FHIT: variants seen among roughly 807,000 people sequenced by gnomAD.
FHIT encodes the protein fragile histidine triad diadenosine triphosphatase, also known as bis(5'-adenosyl)-triphosphatase.
Under a neutral mutation model 17.9 loss-of-function variants are expected in FHIT, and 19 were observed. The observed-to-expected ratio is 1.06, with a 90% CI of 0.74 to 1.56. FHIT has a LOEUF of 1.56. Ranked by LOEUF, FHIT falls within the 40% of genes most tolerant of loss-of-function variation. The pLI, the probability that FHIT is intolerant of heterozygous loss-of-function variation, is 0.00. For synonymous variants in FHIT, 81 were observed against 69.7 expected, an observed-to-expected ratio of 1.16 and a Z score of -0.81; for missense variants, 248 against 189.2, an observed-to-expected ratio of 1.31 and a Z score of -1.82.
rs537395653 is a variant in FHIT, at chr3:60,402,614, T to C, written c.103+134246A>G. Among the ~76,000 whole-genome samples the C allele has an allele frequency of 1.2e-4, 18 of 152,292 alleles. No individual in the cohort carries two copies. The East Asian group carries it at 3.5e-3, about 29-fold the overall frequency. Reference sequence around the variant, plus strand: ...ATTACTGCAACAACATGCACCAGATTTCTGACAGACACCTGTTTGCAAATT... The same window carrying C: ...ATTACTGCAACAACATGCACCAGATCTCTGACAGACACCTGTTTGCAAATT... On this transcript the variant is annotated intron_variant, in intron 5 of 9. Coordinates refer to ENST00000492590, the MANE Select transcript of FHIT (RefSeq NM_002012.4).
intron 4 of FHIT, among the ~76,000 whole-genome samples, chr3:60,652,634 C>A (rs1559615541): frequency 6.9e-6 from 1 of 145,132 alleles, no homozygotes; most frequent in Non-Finnish European, 1.5e-5. Context: ...GAGGCTGAAG[C>A]AGGAGAATGG....
At chr3:59,785,934 A>G (rs913002985) in intron 8 of FHIT, among the ~76,000 whole-genome samples, 1 of 152,168 alleles carries the variant, frequency 6.6e-6, no homozygotes, top group Non-Finnish European at 1.5e-5. Flanking sequence ...GCGCTCCGCT[A>G]ATACCTTCAA....
intron 5 of FHIT, among the ~76,000 whole-genome samples, chr3:60,445,473 A>C (rs1229040563): frequency 7.0e-6 from 1 of 142,100 alleles, no homozygotes; most frequent in Non-Finnish European, 1.5e-5. Flanking sequence ...TAAAAAGAAG[A>C]AGAAGAAGAA....
intron 7 of FHIT, among the ~76,000 whole-genome samples, chr3:59,929,845 C>A (rs1323209256): frequency 6.9e-6 from 1 of 144,668 alleles, no homozygotes; most frequent in South Asian, 2.2e-4. Flanking sequence ...TAGAGTGATA[C>A]AAATATGATA....
chr3:60,644,097 C>T (rs1469837557), intron 4 of FHIT, among the ~76,000 whole-genome samples: 5 of 152,228 alleles, frequency 3.3e-5, no homozygotes, highest in African/African-American at 7.2e-5. Flanking sequence ...ACTAGGAAAC[C>T]GTCATTTCAA....
At chr3:60,660,819 G>T in intron 4 of FHIT, among the ~76,000 whole-genome samples, 2 of 130,648 alleles carry the variant, frequency 1.5e-5, no homozygotes. Context: ...TGGACTGTTT[G>T]GGTTTTTTTA....
chr3:60,432,022 C>G (rs911402089), intron 5 of FHIT, among the ~76,000 whole-genome samples: 3 of 152,152 alleles, frequency 2.0e-5, no homozygotes, highest in African/African-American at 7.2e-5. Context: ...GTCACCCAGG[C>G]TAGAGTGCAG....
chr3:60,370,632 T>C (rs1700288134), intron 5 of FHIT, among the ~76,000 whole-genome samples: 1 of 152,164 alleles, frequency 6.6e-6, no homozygotes, highest in Non-Finnish European at 1.5e-5. Flanking sequence ...ACCCCTCTTC[T>C]CTTTCACCCT....
At chr3:61,194,243 T>C (rs1034379667) in intron 2 of FHIT, among the ~76,000 whole-genome samples, 2 of 152,128 alleles carry the variant, frequency 1.3e-5, no homozygotes, top group Admixed American at 1.3e-4. Flanking sequence ...ATGACCCACC[T>C]TAGGGAAGAG....
intron 5 of FHIT, 97 bp downstream of exon 5, chr3:60,536,763 G>C (rs573733403): frequency 7.7e-7 from 1 of 1,294,906 alleles, no homozygotes; most frequent in Non-Finnish European, 1.0e-6. Flanking sequence ...TTACCTTTTT[G>C]GACAGACTGG....
At chr3:60,767,898 G>T (rs961709159) in intron 4 of FHIT, among the ~76,000 whole-genome samples, 20 of 152,224 alleles carry the variant, frequency 1.3e-4, no homozygotes, top group African/African-American at 4.6e-4. Context: ...CTCAGCAGCA[G>T]CTGTCTGTAT....
intron 8 of FHIT, among the ~76,000 whole-genome samples, chr3:59,870,037 T>C (rs978804244): frequency 1.4e-4 from 21 of 152,152 alleles, no homozygotes; most frequent in African/African-American, 5.1e-4. Context: ...ATTATTATCA[T>C]CTCCATTGTA....
intron 7 of FHIT, among the ~76,000 whole-genome samples, chr3:60,004,753 AT>A (rs959329949): frequency 2.7e-4 from 41 of 152,050 alleles, no homozygotes; most frequent in African/African-American, 8.7e-4. Flanking sequence ...CCAGTATGTG[AT>A]TTTTTTTCTT....
At chr3:60,416,667 G>A (rs538752916) in intron 5 of FHIT, among the ~76,000 whole-genome samples, 13 of 152,214 alleles carry the variant, frequency 8.5e-5, no homozygotes, top group Non-Finnish European at 1.6e-4. Flanking sequence ...CTTGCAGGCT[G>A]TAACAAAACA....
chr3:60,062,383 C>T (rs919942589), intron 5 of FHIT, among the ~76,000 whole-genome samples: 3 of 152,172 alleles, frequency 2.0e-5, no homozygotes, highest in Non-Finnish European at 2.9e-5. Flanking sequence ...TCGTAACACT[C>T]TTATTTTCTA....
intron 8 of FHIT, among the ~76,000 whole-genome samples, chr3:59,868,337 GA>G (rs11307941): frequency 0.53 from 79,483 of 150,748 alleles, 21,685 homozygotes; most frequent in African/African-American, 0.67. Context: ...TTTCCACGCG[GA>G]AAAAAAAAAT....
intron 5 of FHIT, among the ~76,000 whole-genome samples, chr3:60,523,341 T>C (rs1405691950): frequency 6.6e-6 from 1 of 152,212 alleles, no homozygotes; most frequent in Admixed American, 6.5e-5. Context: ...TTTAAAGCAC[T>C]TAAATCTTAC....
intron 5 of FHIT, among the ~76,000 whole-genome samples, chr3:60,273,875 T>A (rs976923147): frequency 6.6e-6 from 1 of 152,184 alleles, no homozygotes; most frequent in Admixed American, 6.5e-5. Flanking sequence ...AAAAGTAATG[T>A]TCTGAAACAT....
At chr3:60,071,324 C>G (rs559134693) in intron 5 of FHIT, among the ~76,000 whole-genome samples, 2 of 152,276 alleles carry the variant, frequency 1.3e-5, no homozygotes, top group African/African-American at 4.8e-5. Flanking sequence ...TTAGATATAT[C>G]GAGTTTTAAC....
Sources: gnomAD v4.1 joint callset for allele counts (sites outside exome capture counted in the v4.1 genomes callset) on GRCh38, gnomAD v4.1.1 for gene constraint, MANE v1.5 for transcripts, NCBI Gene and HGNC (gene_info 2026-07-23, HGNC 2026-07-21) for gene names.